Variants in KLHL2 observed in about 807,000 individuals in gnomAD.
KLHL2 encodes kelch like family member 2, also known as kelch-like protein 2.
A neutral mutation model predicts 75.8 loss-of-function variants in KLHL2; 15 were observed. That is an observed-to-expected ratio of 0.20 (90% CI 0.13 to 0.30). The LOEUF (loss-of-function observed/expected upper bound fraction) is 0.30, where lower values mean the gene tolerates loss of function less well. KLHL2 is among the 10% of genes least tolerant of loss of function. The pLI, the probability that KLHL2 is intolerant of heterozygous loss-of-function variation, is 1.00. For synonymous variants in KLHL2, 214 were observed against 251.9 expected (o/e 0.85, Z 1.42); for missense variants, 381 against 741.0 (o/e 0.51, Z 5.64).
rs1742211945 is a variant in KLHL2, at chr4:165,265,987, T to C, written c.544+2628T>C. Among the ~76,000 whole-genome samples the C allele has an allele frequency of 2.0e-5, 3 of 152,268 alleles. No individual in the cohort carries two copies. The South Asian group carries it at 6.2e-4, about 32-fold the overall frequency. The stretch of plus-strand genomic sequence containing the variant: ...CCACATCCTATCCAGCACCTGTTGT[T>C]TTCTGACTTTTTAATGATCGCCATT... On this transcript the variant is annotated intron_variant, in intron 5 of 14. Transcript: ENST00000226725.
intron 4 of KLHL2, among the ~76,000 whole-genome samples, chr4:165,241,322 CT>C (rs1197168274): frequency 6.6e-6 from 1 of 152,196 alleles, no homozygotes; most frequent in East Asian, 1.9e-4. Context: ...CACCAGACTC[CT>C]ATTTCCTGCT....
chr4:165,238,943 G>A, intron 4 of KLHL2, 44 bp downstream of exon 4: 1 of 1,566,352 alleles, frequency 6.4e-7, no homozygotes, highest in Non-Finnish European at 8.6e-7. Flanking sequence ...TATGCATACA[G>A]TTTTTTTAAT....
intron 4 of KLHL2, among the ~76,000 whole-genome samples, chr4:165,242,951 A>G (rs532828029): frequency 3.9e-5 from 6 of 152,356 alleles, no homozygotes; most frequent in African/African-American, 1.4e-4. Flanking sequence ...TTGCCTCCAT[A>G]TAAGATAGGT....
intron 10 of KLHL2, 127 bp downstream of exon 10, chr4:165,310,877 T>C (rs1036160150): frequency 2.6e-5 from 18 of 696,568 alleles, no homozygotes; most frequent in African/African-American, 3.8e-5. Flanking sequence ...TTTTTTGAGA[T>C]GGAGTCTTGC....
chr4:165,292,193 A>AT (rs1744568585), intron 5 of KLHL2, among the ~76,000 whole-genome samples: 1 of 152,098 alleles, frequency 6.6e-6, no homozygotes, highest in Non-Finnish European at 1.5e-5. Flanking sequence ...TCAATTTCAT[A>AT]TTTATTTCAG....
At chr4:165,275,438 A>G (rs1165221265) in intron 5 of KLHL2, among the ~76,000 whole-genome samples, 2 of 152,216 alleles carry the variant, frequency 1.3e-5, no homozygotes, top group East Asian at 3.8e-4. Flanking sequence ...AACTTGAAAT[A>G]TGAATTTTAT....
Position 165,297,723 on chromosome 4 carries a change from C to G in KLHL2, c.769C>G (p.Gln257Glu). ...TTTGCTTCCTCGGGAATATTTAGTT[C>G]AGGTAAATGCATATGCAAAACATAT... The part of the protein sequence containing the change: ...LPLLPREYLV[Q>E]RVEEEALVKN... The change falls in exon 7 of 15, where the codon CAG becomes GAG. Residue 257 changes from glutamine to glutamate, a missense_variant and splice_region_variant. By Grantham distance (29) the Gln-to-Glu change is conservative (BLOSUM62 2). Coordinates refer to ENST00000226725, the MANE Select transcript of KLHL2 (RefSeq NM_007246.4). 6.4e-7 allele frequency: 1 copy of G among 1,567,364 alleles called. No individual in the cohort carries two copies. The highest frequency in any genetic ancestry group is 8.8e-7 in the Non-Finnish European group (1 of 1,137,354).
chr4:165,298,339 A>C (rs1745076390), intron 7 of KLHL2, among the ~76,000 whole-genome samples: 1 of 152,132 alleles, frequency 6.6e-6, no homozygotes, highest in Non-Finnish European at 1.5e-5. Flanking sequence ...GTCTGACCCA[A>C]ATACCGTTTA....
At chr4:165,269,218 A>G (rs971720217) in intron 5 of KLHL2, among the ~76,000 whole-genome samples, 9 of 151,740 alleles carry the variant, frequency 5.9e-5, no homozygotes, top group African/African-American at 2.2e-4. Flanking sequence ...TGCATGTGAG[A>G]TGGGTCTCGT....
intron 5 of KLHL2, among the ~76,000 whole-genome samples, chr4:165,268,666 T>G (rs956907747): frequency 6.6e-6 from 1 of 152,262 alleles, no homozygotes; most frequent in African/African-American, 2.4e-5. Context: ...GATTGCACTG[T>G]GGTCTGAGAG....
intron 4 of KLHL2, among the ~76,000 whole-genome samples, chr4:165,260,752 T>G (rs1014595812): frequency 6.6e-6 from 1 of 152,246 alleles, no homozygotes; most frequent in Non-Finnish European, 1.5e-5. Flanking sequence ...AAAGGCTTTT[T>G]TCTAACTTCT....
intron 4 of KLHL2, among the ~76,000 whole-genome samples, chr4:165,262,766 A>AT (rs1273740514): frequency 1.3e-5 from 2 of 151,914 alleles, no homozygotes; most frequent in African/African-American, 4.8e-5. Context: ...TTTTGTAGAG[A>AT]TGAGGTCTTG....
intron 1 of KLHL2, among the ~76,000 whole-genome samples, chr4:165,211,845 C>A (rs1737219805): frequency 6.6e-6 from 1 of 152,154 alleles, no homozygotes; most frequent in Admixed American, 6.5e-5. Context: ...TCCACCTACT[C>A]CCTGCAAAAT....
chr4:165,320,754 T>A (rs1466627703), intron 14 of KLHL2, among the ~76,000 whole-genome samples: 1 of 152,242 alleles, frequency 6.6e-6, no homozygotes, highest in Non-Finnish European at 1.5e-5. Flanking sequence ...TGTTCAGATG[T>A]TGTGTATGAC....
chr4:165,300,096 C>G (rs1340771642), intron 8 of KLHL2, among the ~76,000 whole-genome samples: 1 of 152,036 alleles, frequency 6.6e-6, no homozygotes, highest in Admixed American at 6.5e-5. Flanking sequence ...TGAGACCAGC[C>G]TGGCCATCTA....
intron 4 of KLHL2, among the ~76,000 whole-genome samples, chr4:165,259,802 A>C (rs1741495829): frequency 6.6e-6 from 1 of 152,350 alleles, no homozygotes; most frequent in African/African-American, 2.4e-5. Context: ...AGTAGACCAA[A>C]GAGCTGACCA....
chr4:165,229,865 A>G (rs1210594425), intron 3 of KLHL2, among the ~76,000 whole-genome samples: 2 of 152,282 alleles, frequency 1.3e-5, no homozygotes, highest in African/African-American at 4.8e-5. Context: ...AGAAGGTCAG[A>G]TGGAGAAGAC....
intron 4 of KLHL2, among the ~76,000 whole-genome samples, chr4:165,254,352 C>T (rs1334958447): frequency 6.6e-6 from 1 of 151,988 alleles, no homozygotes; most frequent in African/African-American, 2.4e-5. Context: ...TTAATTGTTG[C>T]CATATTGTTA....
In KLHL2 at chr4:165,299,359, A is replaced by G. The variant is rs530956090; in HGVS notation, c.772-148A>G. Reference sequence around the variant, plus strand: ...TTGGTTATATTTATTTTTCTCTTAGATGTATTTATAAACTTTCCTCGTTTA... The same window carrying G: ...TTGGTTATATTTATTTTTCTCTTAGGTGTATTTATAAACTTTCCTCGTTTA... On this transcript the variant is annotated intron_variant, in intron 7 of 14. Transcript: ENST00000226725. The G allele has an allele frequency of 1.5e-5, 9 of 596,852 alleles. No individual in the cohort carries two copies. The South Asian group carries it at 3.4e-4, about 22-fold the overall frequency. 37.0% of individuals were successfully genotyped at this position (596,852 alleles called of 1,614,324 possible). A position where few individuals can be genotyped will look rare whatever the true frequency, so the allele number is the denominator to read the frequency against.
Sources: allele counts gnomAD v4.1 joint callset (sites outside exome capture counted in the v4.1 genomes callset), GRCh38; gene constraint gnomAD v4.1.1; transcripts MANE v1.5; gene names NCBI Gene and HGNC (gene_info 2026-07-23, HGNC 2026-07-21).